The following SMAP1 variants were observed in gnomAD, a reference collection of about 807,000 sequenced individuals.
SMAP1 encodes the protein stromal membrane-associated protein 1.
A neutral mutation model predicts 58.5 loss-of-function variants in SMAP1; 24 were observed. The ratio of observed to expected loss-of-function variants is 0.41; its 90% CI spans 0.30 to 0.58. SMAP1 has a LOEUF of 0.58. SMAP1 is among the 20% of genes least tolerant of loss of function. The pLI, the probability that SMAP1 is intolerant of heterozygous loss-of-function variation, is 0.29. For missense variants in SMAP1, 563 were observed against 566.3 expected, an observed-to-expected ratio of 0.99 and a Z score of 0.06; for synonymous variants, 216 against 196.6, an observed-to-expected ratio of 1.10 and a Z score of -0.82.
chr6:70,725,093 G>GTTTTTTTTTTT lies in SMAP1; in HGVS notation c.119-7254_119-7244dup, dbSNP rs745587315. On this transcript the variant is annotated intron_variant, in intron 1 of 10. Transcript: ENST00000370455. ...GACTCCATATCCTAAATTAACCAGT[G>GTTTTTTTTTTT]TTTTTTTTTTTTTTTTTTTTTTTTT... is the stretch of plus-strand genomic sequence containing the variant. 2.3e-4 allele frequency among the ~76,000 whole-genome samples: 11 copies of GTTTTTTTTTTT among 47,822 alleles called. 2 individuals carry two copies. Among genetic ancestry groups the GTTTTTTTTTTT allele is most frequent in the South Asian group, 7.6e-4 (1 of 1,324 alleles). The allele number at this position is 47,822 out of a possible 152,430, so 31.4% of individuals were successfully genotyped here. A position where few individuals can be genotyped will look rare whatever the true frequency, so the allele number is the denominator to read the frequency against.
chr6:70,841,495 CAT>C (rs1770807179), intron 7 of SMAP1, among the ~76,000 whole-genome samples: 3 of 151,880 alleles, frequency 2.0e-5, no homozygotes, highest in South Asian at 4.1e-4. Flanking sequence ...GGGTGTACAT[CAT>C]GTGTTTCTCT....
intron 7 of SMAP1, chr6:70,837,746 G>T: frequency 8.5e-7 from 1 of 1,178,106 alleles, no homozygotes; most frequent in Non-Finnish European, 1.1e-6. Flanking sequence ...CTGAGCCTTG[G>T]CACAGGAATA....
intron 1 of SMAP1, among the ~76,000 whole-genome samples, chr6:70,681,377 T>C (rs533944476): frequency 6.6e-6 from 1 of 152,248 alleles, no homozygotes; most frequent in Admixed American, 6.5e-5. Context: ...CAGTGAGCCG[T>C]GATTGTGCCA....
intron 7 of SMAP1, among the ~76,000 whole-genome samples, chr6:70,845,592 G>T (rs1770957004): frequency 1.3e-5 from 2 of 152,188 alleles, no homozygotes; most frequent in Admixed American, 1.3e-4. Context: ...ATCACCTTTA[G>T]AGTGAATAAC....
At chr6:70,731,848 T>C (rs372511398) in intron 1 of SMAP1, among the ~76,000 whole-genome samples, 2 of 152,198 alleles carry the variant, frequency 1.3e-5, no homozygotes, top group South Asian at 2.1e-4. Context: ...AAGAGCACTT[T>C]CACTAATTAC....
intron 1 of SMAP1, among the ~76,000 whole-genome samples, chr6:70,713,887 T>G (rs780721559): frequency 1.3e-5 from 2 of 152,206 alleles, no homozygotes; most frequent in African/African-American, 2.4e-5. Flanking sequence ...TTCTTTCAGT[T>G]CTGTCAGTAT....
intron 2 of SMAP1, among the ~76,000 whole-genome samples, chr6:70,733,911 G>A (rs747999104): frequency 4.6e-5 from 7 of 152,164 alleles, no homozygotes; most frequent in Non-Finnish European, 1.0e-4. Flanking sequence ...GAGATGGGCA[G>A]CTGTATAGCT....
At chr6:70,746,793 A>T (rs1766060875) in intron 2 of SMAP1, among the ~76,000 whole-genome samples, 1 of 152,076 alleles carries the variant, frequency 6.6e-6, no homozygotes, top group South Asian at 2.1e-4. Flanking sequence ...CTGTGAATCC[A>T]TCTGGTCCTG....
At chr6:70,759,870 G>A (rs1257410167) in intron 3 of SMAP1, 2 of 450,120 alleles carry the variant, frequency 4.4e-6, no homozygotes, top group Non-Finnish European at 9.0e-6. Context: ...TAACTTTACT[G>A]CTTAATAAGT....
At chr6:70,854,167 C>T (rs1006979414) in intron 8 of SMAP1, among the ~76,000 whole-genome samples, 1 of 152,152 alleles carries the variant, frequency 6.6e-6, no homozygotes, top group Admixed American at 6.5e-5. Context: ...CTGAGCATTA[C>T]CTGGTAGGAC....
At chr6:70,672,961 G>T (rs533574830) in intron 1 of SMAP1, among the ~76,000 whole-genome samples, 1 of 152,104 alleles carries the variant, frequency 6.6e-6, no homozygotes, top group Non-Finnish European at 1.5e-5. Context: ...ATCAGTTTTG[G>T]TAGTCTCAGG....
chr6:70,724,459 G>A (rs1768676411), intron 1 of SMAP1, among the ~76,000 whole-genome samples: 1 of 152,200 alleles, frequency 6.6e-6, no homozygotes, highest in Non-Finnish European at 1.5e-5. Context: ...GCCTCCCAGA[G>A]TGCTGGGATT....
At chr6:70,740,938 A>G (rs1322244612) in intron 2 of SMAP1, among the ~76,000 whole-genome samples, 1 of 152,218 alleles carries the variant, frequency 6.6e-6, no homozygotes, top group Non-Finnish European at 1.5e-5. Flanking sequence ...TTCCCCTTAT[A>G]AAACCATTGA....
chr6:70,779,824 G>A (rs754738395), intron 4 of SMAP1, among the ~76,000 whole-genome samples: 5 of 152,222 alleles, frequency 3.3e-5, no homozygotes, highest in Non-Finnish European at 7.3e-5. Context: ...CTGAGGTGGA[G>A]CTGAAGCAGT....
rs75696310 is a variant in SMAP1 at position 70,764,463 on chromosome 6, T to C, written c.339-8887T>C. Among the ~76,000 whole-genome samples, 665 of 152,304 alleles carry C rather than the reference T, an allele frequency of 4.4e-3. 2 individuals are homozygous for C. Among genetic ancestry groups the C allele is most frequent in the Middle Eastern group, 6.8e-3 (2 of 294 alleles). ...GACTTTCTTGTTAGGAAAATGCAGCTGGTGACTTTAAGTTGAAGCTAATGT... is the reference window on the plus strand; with the variant it reads ...GACTTTCTTGTTAGGAAAATGCAGCCGGTGACTTTAAGTTGAAGCTAATGT... On this transcript the variant is annotated intron_variant, in intron 3 of 10. Transcript: ENST00000370455.
chr6:70,719,640 G>A (rs1413033371), intron 1 of SMAP1, among the ~76,000 whole-genome samples: 1 of 152,234 alleles, frequency 6.6e-6, no homozygotes, highest in East Asian at 1.9e-4. Context: ...AGAAAAAGAG[G>A]TTTAACTGGA....
At chr6:70,708,014 A>G (rs1767905746) in intron 1 of SMAP1, among the ~76,000 whole-genome samples, 1 of 152,156 alleles carries the variant, frequency 6.6e-6, no homozygotes, top group South Asian at 2.1e-4. Context: ...ATTGCAGTGT[A>G]GTAACACTGC....
At chr6:70,732,344 T>C (rs1255210140) in intron 1 of SMAP1, 34 bp from the exon 2 acceptor site, 1 of 1,588,818 alleles carries the variant, frequency 6.3e-7, no homozygotes, top group East Asian at 2.2e-5. Flanking sequence ...TTTTTAACAT[T>C]TGCTTTTTTT....
At chr6:70,733,309 G>A (rs1765499957) in intron 2 of SMAP1, among the ~76,000 whole-genome samples, 1 of 152,180 alleles carries the variant, frequency 6.6e-6, no homozygotes, top group Non-Finnish European at 1.5e-5. Context: ...ACAGAATGGA[G>A]ATCTTCAGGC....
Sources: allele counts gnomAD v4.1 joint callset (sites outside exome capture counted in the v4.1 genomes callset), GRCh38; gene constraint gnomAD v4.1.1; transcripts MANE v1.5; gene names NCBI Gene and HGNC (gene_info 2026-07-23, HGNC 2026-07-21).